The following CDKL4 variants were observed in gnomAD, a reference collection of about 807,000 sequenced individuals.
The protein encoded by CDKL4 is cyclin-dependent kinase-like 4.
Under a neutral mutation model 42.0 loss-of-function variants are expected in CDKL4, and 44 were observed. That is an observed-to-expected ratio of 1.05 (90% CI 0.82 to 1.35). The LOEUF (loss-of-function observed/expected upper bound fraction) is 1.35, where lower values mean the gene tolerates loss of function less well. Ranked by LOEUF, CDKL4 falls within the 40% of genes most tolerant of loss-of-function variation. The pLI is 0.00. For missense variants in CDKL4, 393 were observed against 369.9 expected (o/e 1.06, Z -0.51); for synonymous variants, 120 against 121.6 (o/e 0.99, Z 0.09).
At position 39,231,103 on chromosome 2, in the gene CDKL4, T is replaced by C. The variant is rs182733108; in HGVS notation, c.-56-1515A>G. On this transcript the variant is annotated intron_variant, in intron 1 of 9. Transcript: ENST00000451199. Reference sequence around the variant, plus strand: ...GGCACAGGCCTGTAATCCCAGCTACTTAGGAGGCTGAGGCAGGAGAATCTC... The same window carrying C: ...GGCACAGGCCTGTAATCCCAGCTACCTAGGAGGCTGAGGCAGGAGAATCTC... 3.3e-5 allele frequency among the ~76,000 whole-genome samples: 5 copies of C among 152,218 alleles called. No homozygotes were observed. The East Asian group carries it at 9.7e-4, about 29-fold the overall frequency.
intron 2 of CDKL4, among the ~76,000 whole-genome samples, chr2:39,226,447 A>ATATATATATTATATATATTATATATATAT (rs1553393130): frequency 1.0e-4 from 14 of 135,252 alleles, no homozygotes; most frequent in East Asian, 2.0e-4. Flanking sequence ...TATATATATT[A>ATATATATATTATATATATTATATATATAT]TATATATATT....
intron 1 of CDKL4, among the ~76,000 whole-genome samples, chr2:39,232,628 C>T (rs1327059095): frequency 6.6e-6 from 1 of 152,168 alleles, no homozygotes; most frequent in African/African-American, 2.4e-5. Flanking sequence ...TGACTGCTGC[C>T]TAAACCTAAT....
intron 3 of CDKL4, among the ~76,000 whole-genome samples, chr2:39,219,768 C>T (rs1048985354): frequency 1.3e-5 from 2 of 152,096 alleles, no homozygotes; most frequent in East Asian, 1.9e-4. Flanking sequence ...GAATAAAATG[C>T]CTATTCAAGG....
intron 1 of CDKL4, among the ~76,000 whole-genome samples, chr2:39,234,105 G>A (rs904759594): frequency 4.7e-5 from 7 of 148,080 alleles, no homozygotes; most frequent in Non-Finnish European, 7.4e-5. Flanking sequence ...AGTACAGGTG[G>A]GGTTTCACTG....
At chr2:39,174,562 C>T (rs1675094414), downstream of CDKL4, among the ~76,000 whole-genome samples, 1 of 152,120 alleles carries the variant, frequency 6.6e-6, no homozygotes, top group African/African-American at 2.4e-5. Flanking sequence ...TATCATGTTT[C>T]TTCAACAACA....
chr2:39,227,357 C>T (rs1054448061), intron 2 of CDKL4, among the ~76,000 whole-genome samples: 1 of 152,192 alleles, frequency 6.6e-6, no homozygotes, highest in African/African-American at 2.4e-5. Flanking sequence ...CAGAGACTCA[C>T]AATGCATGCC....
chr2:39,171,088 G>C (rs976438999), downstream of CDKL4, among the ~76,000 whole-genome samples: 1 of 151,864 alleles, frequency 6.6e-6, no homozygotes, highest in African/African-American at 2.4e-5. Flanking sequence ...AAAACACAAA[G>C]ATTAGCTGGG....
intron 2 of CDKL4, among the ~76,000 whole-genome samples, chr2:39,226,501 T>C (rs916037515): frequency 6.8e-6 from 1 of 147,588 alleles, no homozygotes; most frequent in Non-Finnish European, 1.5e-5. Flanking sequence ...ATTTTCAGCA[T>C]TGTTCTTTGA....
At chr2:39,171,248 A>C (rs1466724678), downstream of CDKL4, among the ~76,000 whole-genome samples, 2 of 152,118 alleles carry the variant, frequency 1.3e-5, no homozygotes, top group Non-Finnish European at 2.9e-5. Context: ...AAAAAAAAAA[A>C]AAAGATTTTC....
intron 2 of CDKL4, among the ~76,000 whole-genome samples, chr2:39,227,883 G>A (rs1678853637): frequency 1.3e-5 from 2 of 152,168 alleles, no homozygotes. Context: ...CTTGCCTAAA[G>A]AAAAACAGGT....
At chr2:39,170,153 C>T in the CDKL4 span, among the ~76,000 whole-genome samples, 1 of 151,898 alleles carries the variant, frequency 6.6e-6, no homozygotes, top group African/African-American at 2.4e-5. Context: ...CGTGCACCAC[C>T]ATGCCTGGTC....
chr2:39,219,100 A>G (rs1678141850), intron 3 of CDKL4, among the ~76,000 whole-genome samples: 1 of 152,224 alleles, frequency 6.6e-6, no homozygotes, highest in Non-Finnish European at 1.5e-5. Flanking sequence ...TTATAGCCCC[A>G]GCACCTAGAA....
chr2:39,182,592 C>G (rs1319966542), intron 8 of CDKL4, among the ~76,000 whole-genome samples: 3 of 152,184 alleles, frequency 2.0e-5, no homozygotes, highest in African/African-American at 7.2e-5. Context: ...CAGAAAACAT[C>G]TGGAAGATGA....
chr2:39,185,256 GTATATATACATA>G lies in CDKL4; in HGVS notation c.736-621_736-610del, dbSNP rs1675687045. On this transcript the variant is annotated intron_variant, in intron 7 of 9. Coordinates refer to ENST00000451199, the Ensembl canonical transcript of CDKL4. ...CGTATATATACATATATACACATAT[GTATATATACATA>G]TATATACACATATGTATATATACAT... is the stretch of plus-strand genomic sequence containing the variant. Among the ~76,000 whole-genome samples the G allele has an allele frequency of 5.9e-5, 3 of 51,108 alleles. 1 individual carries two copies. Among genetic ancestry groups the G allele is most frequent in the African/African-American group, 1.6e-4 (2 of 12,702 alleles). 33.5% of individuals were successfully genotyped at this position (51,108 alleles called of 152,430 possible).
intron 1 of CDKL4, among the ~76,000 whole-genome samples, chr2:39,243,578 C>CT (rs1679769441): frequency 6.6e-6 from 1 of 152,374 alleles, no homozygotes; most frequent in South Asian, 2.1e-4. Flanking sequence ...TGACAGTTCT[C>CT]TTTCTCGGCC....
At chr2:39,185,127 CATATATATACATATATATGTGT>C (rs1284191104) in intron 7 of CDKL4, among the ~76,000 whole-genome samples, 2 of 134,368 alleles carry the variant, frequency 1.5e-5, no homozygotes, top group East Asian at 2.1e-4. Context: ...TATACACACA[CATATATATACATATATATGTGT>C]ATATATATAC....
chr2:39,184,305 T>A (rs1558545444), intron 8 of CDKL4, among the ~76,000 whole-genome samples: 1 of 152,206 alleles, frequency 6.6e-6, no homozygotes. Context: ...TTTATTTGAA[T>A]CTGTCCTTGG....
rs1226808045 is a variant in CDKL4, at chr2:39,203,215, G to GA, written c.454+1311dup. Among the ~76,000 whole-genome samples, 3 of 152,012 alleles carry GA rather than the reference G, an allele frequency of 2.0e-5. No individual in the cohort carries two copies. In the East Asian group the frequency reaches 5.8e-4, roughly 29 times the overall value. On this transcript the variant is annotated intron_variant, in intron 5 of 9. Coordinates refer to ENST00000451199, the Ensembl canonical transcript of CDKL4. Reference sequence around the variant, plus strand: ...TGCAAAGGAAAATGAAAAAGGAAAGGAAAAAAAGAATGCATATTCATGAAA... The same window carrying GA: ...TGCAAAGGAAAATGAAAAAGGAAAGGAAAAAAAAGAATGCATATTCATGAAA...
Position 39,190,405 on chromosome 2 carries a change from T to C in CDKL4, c.552A>G (p.Ile184Met), listed in dbSNP as rs142173560. 10 of 1,613,868 alleles carry C rather than the reference T, an allele frequency of 6.2e-6. No homozygotes were observed. The highest frequency in any genetic ancestry group is 2.7e-5 in the African/African-American group (2 of 74,850). Reference sequence around the variant, plus strand: ...CTGCAAAAACACAACCAATAGCCCATATATCGACTGAAGAACCATACTGAG... The same window carrying C: ...CTGCAAAAACACAACCAATAGCCCACATATCGACTGAAGAACCATACTGAG... The change falls in exon 6 of 10, where the codon ATA becomes ATG. Residue 184 changes from isoleucine to methionine, a missense_variant. Physicochemically the swap from Ile to Met is conservative, Grantham distance 10. Coordinates refer to ENST00000451199, the Ensembl canonical transcript of CDKL4.
Sources: gnomAD v4.1 joint callset for allele counts (sites outside exome capture counted in the v4.1 genomes callset) on GRCh38, gnomAD v4.1.1 for gene constraint, MANE v1.5 for transcripts, NCBI Gene and HGNC (gene_info 2026-07-23, HGNC 2026-07-21) for gene names.